Variants in UBIAD1 observed in about 807,000 individuals in gnomAD.
UBIAD1 encodes the protein ubiA prenyltransferase domain-containing protein 1.
UBIAD1 carries 12 observed loss-of-function variants against 20.1 expected under a neutral mutation model. The ratio of observed to expected loss-of-function variants is 0.60; its 90% CI spans 0.38 to 0.97. The LOEUF is 0.97. UBIAD1 is among the 50% of genes least tolerant of loss of function. The probability of loss-of-function intolerance (pLI) is 0.00; values close to 1 mark genes in which losing one functional copy is unlikely to be tolerated. For synonymous variants in UBIAD1, 207 were observed against 189.2 expected, an observed-to-expected ratio of 1.09 and a Z score of -0.77; for missense variants, 333 against 419.5, an observed-to-expected ratio of 0.79 and a Z score of 1.80.
At chr1:11,296,495 G>A (rs985989750), downstream of UBIAD1, among the ~76,000 whole-genome samples, 1 of 152,090 alleles carries the variant, frequency 6.6e-6, no homozygotes, top group Non-Finnish European at 1.5e-5. Flanking sequence ...TGAGTAGTAG[G>A]CACTTCATAA....
At chr1:11,280,210 C>A (rs1652196243) in intron 1 of UBIAD1, among the ~76,000 whole-genome samples, 1 of 152,220 alleles carries the variant, frequency 6.6e-6, no homozygotes, top group East Asian at 1.9e-4. Context: ...TGAAGGACCA[C>A]TAAGTGCAAA....
chr1:11,283,736 A>G (rs1463108139), intron 1 of UBIAD1, among the ~76,000 whole-genome samples: 1 of 151,996 alleles, frequency 6.6e-6, no homozygotes, highest in Non-Finnish European at 1.5e-5. Flanking sequence ...CTGTCATTTT[A>G]TTTCATTTTG....
At chr1:11,293,255 A>T (rs1038254733), downstream of UBIAD1, among the ~76,000 whole-genome samples, 4 of 152,016 alleles carry the variant, frequency 2.6e-5, no homozygotes, top group Non-Finnish European at 1.5e-5. Flanking sequence ...GGGTCCTCCA[A>T]ATTCCGCACT....
At chr1:11,295,098 T>C (rs912691973) in exon 2 of UBIAD1, 22 of 612,832 alleles carry the variant, frequency 3.6e-5, no homozygotes, top group Non-Finnish European at 6.4e-5. Context: ...TCGGGTTCAG[T>C]GTGCTGTGTG....
At chr1:11,277,432 T>C (rs1198091750) in intron 1 of UBIAD1, among the ~76,000 whole-genome samples, 1 of 151,466 alleles carries the variant, frequency 6.6e-6, no homozygotes, top group Non-Finnish European at 1.5e-5. Context: ...GGTGCCCGCC[T>C]GGCTAATTTT....
At chr1:11,274,103 T>C in intron 1 of UBIAD1, 43 bp downstream of exon 1, 1 of 1,611,904 alleles carries the variant, frequency 6.2e-7, no homozygotes, top group African/African-American at 1.3e-5. Context: ...CTTAGTCGCG[T>C]CCACTGGAAA....
rs982570664 is a variant in UBIAD1 at position 11,286,979 on chromosome 1, C to A, written c.*848C>A. On this transcript the variant is annotated 3_prime_UTR_variant, in exon 2 of 2. Transcript: ENST00000376810. ...GAGGCACTGCCATCCTTGTGGGATA[C>A]TCAAAGCCCACAGGGCTTTTCCCTC... 1 of 152,342 alleles carries A rather than the reference C, an allele frequency of 6.6e-6. No homozygotes were observed. The highest frequency in any genetic ancestry group is 1.5e-5 in the Non-Finnish European group (1 of 68,126). 9.4% of individuals were successfully genotyped at this position (152,342 alleles called of 1,614,324 possible). A position where few individuals can be genotyped will look rare whatever the true frequency, so the allele number is the denominator to read the frequency against.
chr1:11,275,398 G>A (rs1391096186), intron 1 of UBIAD1, among the ~76,000 whole-genome samples: 1 of 152,096 alleles, frequency 6.6e-6, no homozygotes, highest in Non-Finnish European at 1.5e-5. Context: ...CAAAGAATGG[G>A]ACACAGATTA....
At position 11,285,903 on chromosome 1, in the gene UBIAD1, A is replaced by G. The variant is rs2101023215; in HGVS notation, c.789A>G (p.Thr263=). ...GPTFSYILYN[T]LLFLPYLVFS... ...CGTTCTCCTACATTCTCTACAACAC[A>G]CTGCTCTTCCTGCCCTACCTGGTCT... The change falls in exon 2 of 2, where the codon ACA becomes ACG. Residue 263 remains threonine (T), a synonymous_variant. Coordinates refer to ENST00000376810, the MANE Select transcript of UBIAD1 (RefSeq NM_013319.3). This position sits in a 1 kb window ranked among gnomAD's most constrained non-coding sequence, Gnocchi z 4.4. The G allele has an allele frequency of 1.9e-6, 3 of 1,613,922 alleles. No individual in the cohort carries two copies. Among genetic ancestry groups the G allele is most frequent in the Non-Finnish European group, 2.5e-6 (3 of 1,179,978 alleles).
chr1:11,279,303 G>A, intron 1 of UBIAD1: 1 of 218,890 alleles, frequency 4.6e-6, no homozygotes, highest in South Asian at 8.3e-5. Flanking sequence ...ATAACTCAAA[G>A]GTTTTGACCT....
In UBIAD1 at chr1:11,273,438, C is replaced by T; in HGVS notation, c.-94C>T. 1 of 1,511,020 alleles carries T rather than the reference C, an allele frequency of 6.6e-7. No individual in the cohort carries two copies. Among genetic ancestry groups the T allele is most frequent in the South Asian group, 1.1e-5 (1 of 87,870 alleles). The allele number at this position is 1,511,020 out of a possible 1,614,324, so 93.6% of individuals were successfully genotyped here. On this transcript the variant is annotated 5_prime_UTR_variant, in exon 1 of 2. Transcript: ENST00000376810. The surrounding 1 kb of genome is among the most constrained non-coding windows in gnomAD (Gnocchi z 4.9). ...TCCTGGGGCGGAACCGAAGGAAGGT[C>T]GGGCCCTGCTGCCCCGCCCCGTCCT...
chr1:11,273,949 A>T lies in UBIAD1; in HGVS notation c.418A>T (p.Thr140Ser). ...DVVRFGVFLY[T>S]LGCVCAACLY... is the part of the protein sequence containing the mutation. ...CGTCCGGTTCGGAGTCTTCCTCTAC[A>T]CGTTGGGCTGCGTCTGTGCCGCTTG... The change falls in exon 1 of 2, where the codon ACG (threonine) becomes TCG (serine). Residue 140 changes from threonine to serine, a missense_variant. Thr to Ser is a moderately conservative substitution (Grantham distance 58). Transcript: ENST00000376810. The surrounding 1 kb of genome is among the most constrained non-coding windows in gnomAD (Gnocchi z 4.9). 6.2e-7 allele frequency: 1 copy of T among 1,614,132 alleles called. No individual in the cohort carries two copies. Among genetic ancestry groups the T allele is most frequent in the South Asian group, 1.1e-5 (1 of 91,078 alleles).
At chr1:11,292,690 C>G (rs994946721), downstream of UBIAD1, among the ~76,000 whole-genome samples, 1 of 151,634 alleles carries the variant, frequency 6.6e-6, no homozygotes, top group Non-Finnish European at 1.5e-5. Flanking sequence ...CACACACACA[C>G]ACACACACAC....
chr1:11,286,188 A>G lies in UBIAD1; in HGVS notation c.*57A>G. On this transcript the variant is annotated 3_prime_UTR_variant, in exon 2 of 2. Coordinates refer to ENST00000376810, the MANE Select transcript of UBIAD1 (RefSeq NM_013319.3). ...CCCTTTCTTAGAATATATTAAAGTCAGAGTCTCTGAGGAAGGAATGTGATT... is the reference window on the plus strand; with the variant it reads ...CCCTTTCTTAGAATATATTAAAGTCGGAGTCTCTGAGGAAGGAATGTGATT... 6.2e-7 allele frequency: 1 copy of G among 1,609,434 alleles called. No individual in the cohort carries two copies. The highest frequency in any genetic ancestry group is 8.5e-7 in the Non-Finnish European group (1 of 1,177,114).
downstream of UBIAD1, among the ~76,000 whole-genome samples, chr1:11,291,691 G>A (rs970025846): frequency 2.0e-5 from 3 of 152,134 alleles, no homozygotes; most frequent in South Asian, 2.1e-4. Context: ...GTGTGCACGC[G>A]TGTGTGTTTG....
At chr1:11,291,795 G>T (rs1277971695), downstream of UBIAD1, among the ~76,000 whole-genome samples, 1 of 152,074 alleles carries the variant, frequency 6.6e-6, no homozygotes, top group South Asian at 2.1e-4. Flanking sequence ...TCCTGAATGC[G>T]GTTGGCAGAT....
chr1:11,289,507 A>T (rs536251354), downstream of UBIAD1, among the ~76,000 whole-genome samples: 1 of 152,176 alleles, frequency 6.6e-6, no homozygotes, highest in Admixed American at 6.5e-5. Context: ...AGCCATGGAG[A>T]TAGGGGGGTA....
rs1638302745 is a variant in UBIAD1, at chr1:11,288,031, C to T, written c.*1900C>T. ...AGAATCTTCTAATAGTGGGCAGAGC[C>T]CAGAGACAAGGGGAAGAAAGATGAC... On this transcript the variant is annotated 3_prime_UTR_variant, in exon 2 of 2. Coordinates refer to ENST00000376810, the MANE Select transcript of UBIAD1 (RefSeq NM_013319.3). 1 of 152,208 alleles carries T rather than the reference C, an allele frequency of 6.6e-6. No individual in the cohort carries two copies. The highest frequency in any genetic ancestry group is 1.5e-5 in the Non-Finnish European group (1 of 68,042). 9.4% of individuals were successfully genotyped at this position (152,208 alleles called of 1,614,324 possible). A position where few individuals can be genotyped will look rare whatever the true frequency, so the allele number is the denominator to read the frequency against.
intron 1 of UBIAD1, among the ~76,000 whole-genome samples, chr1:11,281,234 C>G (rs1371956620): frequency 3.3e-5 from 5 of 152,188 alleles, no homozygotes; most frequent in Admixed American, 1.3e-4. Flanking sequence ...TTCTACCTTG[C>G]TTAAAATTAC....
Sources: allele counts gnomAD v4.1 joint callset (sites outside exome capture counted in the v4.1 genomes callset), GRCh38; gene constraint gnomAD v4.1.1; non-coding constraint Gnocchi (gnomAD v3.1); transcripts MANE v1.5; gene names NCBI Gene and HGNC (gene_info 2026-07-23, HGNC 2026-07-21).